Variants in GSK3B observed in about 807,000 individuals in gnomAD.
GSK3B encodes glycogen synthase kinase-3 beta.
In GSK3B, 15 loss-of-function variants were observed where a neutral mutation model predicts 56.4. The observed-to-expected ratio is 0.27, with a 90% CI of 0.18 to 0.41. The LOEUF (loss-of-function observed/expected upper bound fraction) is 0.41, where lower values mean the gene tolerates loss of function less well. Among genes scored for constraint, GSK3B ranks in the 10% least tolerant of loss-of-function variants. The probability of loss-of-function intolerance (pLI) is 1.00; values close to 1 mark genes in which losing one functional copy is unlikely to be tolerated. For missense variants in GSK3B, 300 were observed against 513.4 expected, an observed-to-expected ratio of 0.58 and a Z score of 4.02; for synonymous variants, 181 against 188.9, an observed-to-expected ratio of 0.96 and a Z score of 0.34.
chr3:119,934,446 G>A (rs1210375714), intron 3 of GSK3B, among the ~76,000 whole-genome samples: 2 of 152,158 alleles, frequency 1.3e-5, no homozygotes, highest in Admixed American at 6.6e-5. Flanking sequence ...AAAAACTGTC[G>A]AGATCATCAA....
chr3:119,872,235 A>G (rs2056258430), intron 8 of GSK3B, among the ~76,000 whole-genome samples: 1 of 152,128 alleles, frequency 6.6e-6, no homozygotes, highest in South Asian at 2.1e-4. Context: ...TTCAAGAACT[A>G]GATACCTCAA....
In GSK3B at chr3:119,916,179, A is replaced by C; in HGVS notation, c.478-5T>G. 1 of 1,586,638 alleles carries C rather than the reference A, an allele frequency of 6.3e-7. No individual in the cohort carries two copies. The highest frequency in any genetic ancestry group is 8.7e-7 in the Non-Finnish European group (1 of 1,155,640). On this transcript the variant is annotated splice_region_variant and splice_polypyrimidine_tract_variant and intron_variant, in intron 4 of 10. Transcript: ENST00000264235. ...GAACAGCTGATACATATACAACTGG[A>C]ATAGATAGTAGAAATTAATTAAATA...
At chr3:120,037,140 TTG>T (rs2058029935) in intron 1 of GSK3B, among the ~76,000 whole-genome samples, 2 of 152,320 alleles carry the variant, frequency 1.3e-5, no homozygotes, top group South Asian at 4.1e-4. Context: ...TAGCAATTAC[TTG>T]AAACAAACAA....
chr3:120,082,542 T>G (rs997139245), intron 1 of GSK3B, among the ~76,000 whole-genome samples: 1 of 151,880 alleles, frequency 6.6e-6, no homozygotes, highest in African/African-American at 2.4e-5. Context: ...ATTATAGGCG[T>G]CTGCCACCAC....
chr3:119,904,459 T>A (rs148414213), intron 7 of GSK3B, among the ~76,000 whole-genome samples: 1 of 152,084 alleles, frequency 6.6e-6, no homozygotes, highest in Non-Finnish European at 1.5e-5. Context: ...AAGCTGCAAA[T>A]TGTAAGAAAT....
intron 7 of GSK3B, among the ~76,000 whole-genome samples, chr3:119,897,793 C>CAAAAA (rs11464173): frequency 8.2e-5 from 6 of 73,082 alleles, no homozygotes; most frequent in Non-Finnish European, 1.9e-4. Flanking sequence ...GACTCTGTCT[C>CAAAAA]AAAAAAAAAA....
chr3:119,994,835 T>C (rs1426258138), intron 2 of GSK3B, among the ~76,000 whole-genome samples: 2 of 152,106 alleles, frequency 1.3e-5, no homozygotes, highest in Middle Eastern at 6.3e-3. Context: ...TGTGCCACAA[T>C]GGACATTTTT....
Position 120,021,440 on chromosome 3 carries a change from C to T in GSK3B, c.89-19201G>A, listed in dbSNP as rs550047236. Among the ~76,000 whole-genome samples, 524 of 151,418 alleles carry T rather than the reference C, an allele frequency of 3.5e-3. 5 individuals are homozygous for T. The highest frequency in any genetic ancestry group is 0.012 in the African/African-American group (514 of 41,258). The stretch of plus-strand genomic sequence containing the variant: ...CTGAGGCAGGAGAATCACTTGAACT[C>T]GGAGGGCAGAGGTTGCAGTGAGCCG... On this transcript the variant is annotated intron_variant, in intron 1 of 10. Transcript: ENST00000264235.
At chr3:119,948,310 G>A (rs2057120047) in intron 2 of GSK3B, among the ~76,000 whole-genome samples, 1 of 152,128 alleles carries the variant, frequency 6.6e-6, no homozygotes, top group African/African-American at 2.4e-5. Flanking sequence ...GGATGCGTTG[G>A]GACCAAAGAA....
chr3:119,858,408 T>C (rs1205915317), intron 9 of GSK3B, among the ~76,000 whole-genome samples: 1 of 152,198 alleles, frequency 6.6e-6, no homozygotes, highest in African/African-American at 2.4e-5. Flanking sequence ...ACTTGCTGCT[T>C]CACCTTGCAC....
At chr3:120,039,494 TA>T (rs373586232) in intron 1 of GSK3B, among the ~76,000 whole-genome samples, 11 of 148,592 alleles carry the variant, frequency 7.4e-5, no homozygotes, top group African/African-American at 9.9e-5. Flanking sequence ...CTAGTTACTG[TA>T]AAAAAAAAAC....
At chr3:119,946,252 T>C (rs972882571) in intron 3 of GSK3B, among the ~76,000 whole-genome samples, 5 of 152,062 alleles carry the variant, frequency 3.3e-5, no homozygotes, top group African/African-American at 9.7e-5. Flanking sequence ...TCCTATATAA[T>C]AGGCACTGTA....
intron 2 of GSK3B, among the ~76,000 whole-genome samples, chr3:119,970,562 G>A (rs1204644940): frequency 6.7e-6 from 1 of 149,832 alleles, no homozygotes; most frequent in Non-Finnish European, 1.5e-5. Flanking sequence ...ACAAGGTCAG[G>A]AGTTTGAGAC....
At chr3:120,081,407 C>T (rs749143556) in intron 1 of GSK3B, among the ~76,000 whole-genome samples, 2 of 151,982 alleles carry the variant, frequency 1.3e-5, no homozygotes, top group African/African-American at 4.8e-5. Flanking sequence ...ACTAGCTGGG[C>T]GTGGTGGTGC....
chr3:119,892,194 T>C (rs1398855449), intron 7 of GSK3B, among the ~76,000 whole-genome samples: 1 of 152,090 alleles, frequency 6.6e-6, no homozygotes. Context: ...GAAAACCTAT[T>C]AGAAATGTCG....
At chr3:120,085,084 A>G (rs1448104423) in intron 1 of GSK3B, among the ~76,000 whole-genome samples, 1 of 152,196 alleles carries the variant, frequency 6.6e-6, no homozygotes, top group East Asian at 1.9e-4. Context: ...AGCAGGAGAG[A>G]AGACTTCACT....
chr3:120,051,394 T>C (rs546691948), intron 1 of GSK3B, among the ~76,000 whole-genome samples: 38 of 152,280 alleles, frequency 2.5e-4, no homozygotes, highest in African/African-American at 9.1e-4. Flanking sequence ...CTGTTAAAGA[T>C]ATAGCACAGC....
intron 10 of GSK3B, chr3:119,832,922 T>C: frequency 1.1e-6 from 1 of 928,962 alleles, no homozygotes. Context: ...CATAATTTCT[T>C]TTTATAGGAC....
At chr3:120,033,300 T>C (rs2057993479) in intron 1 of GSK3B, among the ~76,000 whole-genome samples, 2 of 152,238 alleles carry the variant, frequency 1.3e-5, no homozygotes, top group African/African-American at 4.8e-5. Context: ...AATAATGCTA[T>C]GAACATGTGT....
Sources: gnomAD v4.1 joint callset for allele counts (sites outside exome capture counted in the v4.1 genomes callset) on GRCh38, gnomAD v4.1.1 for gene constraint, MANE v1.5 for transcripts, NCBI Gene and HGNC (gene_info 2026-07-23, HGNC 2026-07-21) for gene names.